The following NPIPA2 variants were observed in gnomAD, a reference collection of about 807,000 sequenced individuals.
The protein encoded by NPIPA2 is nuclear pore complex interacting protein family member A2, also known as nuclear pore complex-interacting protein family member A2.
For synonymous variants in NPIPA2, 1 was observed against 57.3 expected (o/e 0.02, Z 4.44); for missense variants, 3 against 137.5 (o/e 0.02, Z 4.89).
chr16:14,758,509 C>T (rs1172974097), intron 2 of NPIPA2, among the ~76,000 whole-genome samples: 10 of 123,320 alleles, frequency 8.1e-5, no homozygotes, highest in Admixed American at 2.5e-4. Context: ...CTCAAACTCC[C>T]GACCTCAGGT....
intron 2 of NPIPA2, among the ~76,000 whole-genome samples, chr16:14,758,571 C>A: frequency 1.6e-5 from 1 of 62,034 alleles, no homozygotes; most frequent in Non-Finnish European, 3.6e-5. Context: ...AGTGAGCCAC[C>A]GTGCCAGCCT....
chr16:14,758,578 G>A (rs1250044125), intron 2 of NPIPA2, among the ~76,000 whole-genome samples: 1 of 63,384 alleles, frequency 1.6e-5, no homozygotes, highest in Non-Finnish European at 3.7e-5. Context: ...CACCGTGCCA[G>A]CCTCATGTCA....
intron 2 of NPIPA2, among the ~76,000 whole-genome samples, chr16:14,758,307 A>G: frequency 1.0e-5 from 1 of 96,426 alleles, no homozygotes; most frequent in Non-Finnish European, 2.2e-5. Flanking sequence ...TTTGAGACAG[A>G]GTTTCAATTT....
intron 2 of NPIPA2, among the ~76,000 whole-genome samples, chr16:14,758,468 G>A (rs1176205075): frequency 1.4e-5 from 2 of 146,552 alleles, no homozygotes; most frequent in Non-Finnish European, 3.1e-5. Flanking sequence ...TTTTAGCAGA[G>A]ACAGCGTTTC....
At chr16:14,749,144 T>C (rs1321281675) in intron 1 of NPIPA2, among the ~76,000 whole-genome samples, 4 of 16,730 alleles carry the variant, frequency 2.4e-4, no homozygotes, top group African/African-American at 3.8e-4. Context: ...CACATATATA[T>C]ATATATATAT....
At chr16:14,758,280 A>AT (rs1164995200) in intron 2 of NPIPA2, among the ~76,000 whole-genome samples, 3,451 of 45,430 alleles carry the variant, frequency 0.076, 126 homozygotes, top group Non-Finnish European at 0.086. Context: ...CACCTGGCCT[A>AT]TTTTTTTTTT....
At chr16:14,764,871 A>AT in intron 7 of NPIPA2, 132 bp from the exon 10 acceptor site, 2 of 546,464 alleles carry the variant, frequency 3.7e-6, no homozygotes, top group Non-Finnish European at 5.6e-6. Flanking sequence ...TGACACTGCT[A>AT]TTTTGAAACC....
At chr16:14,751,729 TG>T (rs1961946421) in intron 1 of NPIPA2, among the ~76,000 whole-genome samples, 1 of 126,966 alleles carries the variant, frequency 7.9e-6, no homozygotes. Flanking sequence ...AGTCCACCTG[TG>T]TGAGTAGACG....
Position 14,761,499 on chromosome 16 carries a change from C to A in NPIPA2, c.495-813C>A, listed in dbSNP as rs1483243395. Among the ~76,000 whole-genome samples, 4 of 43,704 alleles carry A rather than the reference C, an allele frequency of 9.2e-5. 2 individuals are homozygous for A. The highest frequency in any genetic ancestry group is 2.1e-4 in the Non-Finnish European group (4 of 19,178). 28.7% of individuals were successfully genotyped at this position (43,704 alleles called of 152,430 possible). ...TCAGGTGAGATCCTTAGGATCAGGA[C>A]CATGAATCAAGTGGTGTGAGGGCAA... On this transcript the variant is annotated intron_variant, in intron 4 of 7. Coordinates refer to ENST00000529166, the Ensembl canonical transcript of NPIPA2.
intron 1 of NPIPA2, among the ~76,000 whole-genome samples, chr16:14,751,834 C>T (rs1392925056): frequency 2.6e-5 from 3 of 116,678 alleles, no homozygotes; most frequent in African/African-American, 2.8e-5. Context: ...TTTAGGGGGC[C>T]GAGGTGGGCA....
At chr16:14,761,085 TTC>T (rs1426193362) in intron 4 of NPIPA2, among the ~76,000 whole-genome samples, 1 of 1,928 alleles carries the variant, frequency 5.2e-4, no homozygotes, top group African/African-American at 9.1e-4. Context: ...GGGTTTTATA[TTC>T]TGTTTGGTGT....
chr16:14,758,524 CGCCT>C (rs1962163341), intron 2 of NPIPA2, among the ~76,000 whole-genome samples: 1 of 104,228 alleles, frequency 9.6e-6, no homozygotes, highest in South Asian at 3.5e-4. Context: ...TCAGGTGATC[CGCCT>C]GCCTCGGCCT....
At chr16:14,749,150 TA>T (rs1279400606) in intron 1 of NPIPA2, among the ~76,000 whole-genome samples, 5 of 17,816 alleles carry the variant, frequency 2.8e-4, no homozygotes, top group East Asian at 4.0e-3. Context: ...TATATATATA[TA>T]TATATTTTTT....
chr16:14,758,692 G>C (rs976472356), intron 2 of NPIPA2, among the ~76,000 whole-genome samples: 4 of 64,308 alleles, frequency 6.2e-5, no homozygotes, highest in Non-Finnish European at 1.5e-4. Context: ...GTGTGATCTC[G>C]GCTCACTGCA....
In NPIPA2 at chr16:14,765,367, G is replaced by GCTCAC. The variant is rs1424848815; in HGVS notation, c.1065_1069dup (p.Leu357ProfsTer10). ...CTCAAGACACCTCCCAAGTGTGTCT[G>GCTCAC]CTCACTCCCCTTCCACCCTCAGCGG... On this transcript the variant is annotated frameshift_variant, in exon 8 of 8. Transcript: ENST00000529166. LOFTEE classifies it high-confidence loss of function. 1 of 1,597,550 alleles carries GCTCAC rather than the reference G, an allele frequency of 6.3e-7. No individual in the cohort carries two copies. The highest frequency in any genetic ancestry group is 2.2e-5 in the East Asian group (1 of 44,862).
chr16:14,758,280 ATTTTT>A (rs1164995200), intron 2 of NPIPA2, among the ~76,000 whole-genome samples: 1 of 45,440 alleles, frequency 2.2e-5, no homozygotes, highest in Non-Finnish European at 4.9e-5. Context: ...CACCTGGCCT[ATTTTT>A]TTTTTTTTTT....
At chr16:14,758,308 G>T (rs1962117070) in intron 2 of NPIPA2, among the ~76,000 whole-genome samples, 2 of 113,726 alleles carry the variant, frequency 1.8e-5, no homozygotes, top group African/African-American at 2.9e-5. Flanking sequence ...TTGAGACAGA[G>T]TTTCAATTTT....
At chr16:14,749,154 TA>T (rs1268304544) in intron 1 of NPIPA2, among the ~76,000 whole-genome samples, 3,787 of 20,930 alleles carry the variant, frequency 0.18, 1,028 homozygotes, top group Non-Finnish European at 0.33. Flanking sequence ...TATATATATA[TA>T]TTTTTTTTTT....
chr16:14,749,136 C>CATAT (rs1258156935), intron 1 of NPIPA2, among the ~76,000 whole-genome samples: 7 of 19,202 alleles, frequency 3.6e-4, no homozygotes, highest in African/African-American at 6.9e-4. Context: ...CACACACACA[C>CATAT]ATATATATAT....
Sources: gnomAD v4.1 joint callset for allele counts (sites outside exome capture counted in the v4.1 genomes callset) on GRCh38, gnomAD v4.1.1 for gene constraint, MANE v1.5 for transcripts, NCBI Gene and HGNC (gene_info 2026-07-23, HGNC 2026-07-21) for gene names.